Variants in BPIFC observed in about 807,000 individuals in gnomAD.
BPIFC encodes BPI fold-containing family C protein.
BPIFC carries 60 observed loss-of-function variants against 57.6 expected under a neutral mutation model. The observed-to-expected ratio is 1.04, with a 90% CI of 0.85 to 1.29. The LOEUF (loss-of-function observed/expected upper bound fraction) is 1.29, where lower values mean the gene tolerates loss of function less well. Ranked by LOEUF, BPIFC falls within the 50% of genes most tolerant of loss-of-function variation. The pLI is 0.00. For synonymous variants in BPIFC, 243 were observed against 224.5 expected (o/e 1.08, Z -0.74); for missense variants, 581 against 600.5 (o/e 0.97, Z 0.34).
intron 13 of BPIFC, among the ~76,000 whole-genome samples, chr22:32,421,986 G>C (rs1933859912): frequency 6.6e-6 from 1 of 152,184 alleles, no homozygotes. Context: ...GGAGTGGGGA[G>C]GGTTCCAGGC....
At chr22:32,426,708 A>G (rs1039661421) in intron 13 of BPIFC, among the ~76,000 whole-genome samples, 1 of 151,954 alleles carries the variant, frequency 6.6e-6, no homozygotes, top group Non-Finnish European at 1.5e-5. Context: ...CCTGGCCAAC[A>G]TGGCGAAACC....
At chr22:32,419,689 C>T (rs1179925276) in intron 13 of BPIFC, among the ~76,000 whole-genome samples, 1 of 151,538 alleles carries the variant, frequency 6.6e-6, no homozygotes, top group Non-Finnish European at 1.5e-5. Flanking sequence ...GCCTGTAGTC[C>T]CAGCTACTTG....
intron 15 of BPIFC, among the ~76,000 whole-genome samples, 199 bp downstream of exon 15, chr22:32,416,886 G>T (rs1264261396): frequency 6.6e-6 from 1 of 152,206 alleles, no homozygotes; most frequent in Non-Finnish European, 1.5e-5. Context: ...AACAGGGCTT[G>T]GACCTAGAAT....
At chr22:32,451,148 A>G (rs1163649626) in intron 4 of BPIFC, among the ~76,000 whole-genome samples, 2 of 152,202 alleles carry the variant, frequency 1.3e-5, no homozygotes, top group Non-Finnish European at 1.5e-5. Flanking sequence ...CTGTCTAGCA[A>G]TGCATGAAAA....
At chr22:32,427,409 C>A (rs1453005351) in intron 13 of BPIFC, among the ~76,000 whole-genome samples, 1 of 152,144 alleles carries the variant, frequency 6.6e-6, no homozygotes, top group East Asian at 1.9e-4. Flanking sequence ...TGCCAGTAAA[C>A]CAGACACCTG....
chr22:32,463,771 A>G (rs1388265609), intron 1 of BPIFC, among the ~76,000 whole-genome samples: 1 of 152,182 alleles, frequency 6.6e-6, no homozygotes, highest in Admixed American at 6.5e-5. Context: ...ATTTCAAGGG[A>G]TCCACTCCTC....
rs768230424 is a variant in BPIFC, at chr22:32,457,362, G to A, written c.25C>T (p.Leu9Phe). 4 of 1,610,368 alleles carry A rather than the reference G, an allele frequency of 2.5e-6. No homozygotes were observed. The highest frequency in any genetic ancestry group is 2.7e-5 in the African/African-American group (2 of 74,670). ...TTCCACAGGAGGAAACATCCCCAGAGGACTGGGATTGTCTTTGTACACATC... is the reference window on the plus strand; with the variant it reads ...TTCCACAGGAGGAAACATCCCCAGAAGACTGGGATTGTCTTTGTACACATC... MCTKTIPV[L>F]WGCFLLWNLY... The change falls in exon 3 of 17, where the codon CTC becomes TTC. Residue 9 changes from leucine to phenylalanine, a missense_variant. Physicochemically the swap from Leu to Phe is conservative, Grantham distance 22. Coordinates refer to ENST00000300399, the MANE Select transcript of BPIFC (RefSeq NM_174932.3).
rs537789302 is a variant in BPIFC at position 32,458,762 on chromosome 22, A to G, written c.1-1376T>C. Among the ~76,000 whole-genome samples, 3 of 152,184 alleles carry G rather than the reference A, an allele frequency of 2.0e-5. No homozygotes were observed. The East Asian group carries it at 5.8e-4, about 29-fold the overall frequency. On this transcript the variant is annotated intron_variant, in intron 2 of 16. Transcript: ENST00000300399. ...CATCCCGTATTGTGACTGTCTTTTTACTTGTCTATCCCTTTGTCATGGGGA... is the reference window on the plus strand; with the variant it reads ...CATCCCGTATTGTGACTGTCTTTTTGCTTGTCTATCCCTTTGTCATGGGGA...
chr22:32,445,002 C>A (rs1359673091), intron 7 of BPIFC, among the ~76,000 whole-genome samples: 1 of 152,170 alleles, frequency 6.6e-6, no homozygotes, highest in Non-Finnish European at 1.5e-5. Flanking sequence ...GCTGAGCATG[C>A]AATAGGTACA....
At position 32,438,386 on chromosome 22, in the gene BPIFC, T is replaced by C. The variant is rs141773093; in HGVS notation, c.656-535A>G. On this transcript the variant is annotated intron_variant, in intron 8 of 16. Coordinates refer to ENST00000300399, the MANE Select transcript of BPIFC (RefSeq NM_174932.3). ...AACACACAAAATGCATGTATAGTTT[T>C]GTTTTTTGTTTTTTGTTTTTTTTGA... 9.2e-5 allele frequency among the ~76,000 whole-genome samples: 14 copies of C among 152,308 alleles called. No individual in the cohort carries two copies. In the East Asian group the frequency reaches 2.7e-3, roughly 29 times the overall value.
At chr22:32,435,026 G>A (rs533912979) in intron 10 of BPIFC, among the ~76,000 whole-genome samples, 23 of 152,200 alleles carry the variant, frequency 1.5e-4, no homozygotes, top group African/African-American at 5.1e-4. Context: ...CAGTTATATC[G>A]CACTTATTCT....
intron 12 of BPIFC, among the ~76,000 whole-genome samples, chr22:32,432,111 C>T (rs1934260473): frequency 6.6e-6 from 1 of 151,828 alleles, no homozygotes. Context: ...CTAATTCAAA[C>T]AATTTTTTTT....
At position 32,462,232 on chromosome 22, in the gene BPIFC, T is replaced by C. The variant is rs955952776; in HGVS notation, c.-88-571A>G. Among the ~76,000 whole-genome samples the C allele has an allele frequency of 3.5e-5, 5 of 141,140 alleles. No homozygotes were observed. In the East Asian group the frequency reaches 1.1e-3, roughly 30 times the overall value. The allele number at this position is 141,140 out of a possible 152,430, so 92.6% of individuals were successfully genotyped here. A position where few individuals can be genotyped will look rare whatever the true frequency, so the allele number is the denominator to read the frequency against. On this transcript the variant is annotated intron_variant, in intron 1 of 16. Transcript: ENST00000300399. ...GAAAAAAAAAAGAAAAATATTTTCATAGCAATGGAATGCAATGGGAAAGAA... is the reference window on the plus strand; with the variant it reads ...GAAAAAAAAAAGAAAAATATTTTCACAGCAATGGAATGCAATGGGAAAGAA...
intron 8 of BPIFC, among the ~76,000 whole-genome samples, chr22:32,439,453 C>T (rs2145940559): frequency 6.6e-6 from 1 of 152,224 alleles, no homozygotes; most frequent in African/African-American, 2.4e-5. Flanking sequence ...ATGTGTTCTA[C>T]AATATGAAGA....
chr22:32,417,189 C>CTTTTTTTTTTTT (rs5844996), intron 14 of BPIFC, 41 bp from the exon 15 acceptor site: 1 of 891,986 alleles, frequency 1.1e-6, no homozygotes, highest in Non-Finnish European at 1.6e-6. Context: ...GCAGATCGGG[C>CTTTTTTTTTTTT]TTTTTTTTTT....
chr22:32,419,803 C>CAAAAA (rs34812283), intron 13 of BPIFC, among the ~76,000 whole-genome samples: 2 of 102,370 alleles, frequency 2.0e-5, no homozygotes, highest in African/African-American at 3.7e-5. Context: ...GAGACCCTGT[C>CAAAAA]AAAAAAAAAA....
chr22:32,433,707 C>T lies in BPIFC; in HGVS notation c.978+12G>A. ...CAAATACACTATCAAGACTCAAACC[C>T]TGAGCACTTACCCGGGAGAGCACGT... On this transcript the variant is annotated intron_variant, in intron 11 of 16. Coordinates refer to ENST00000300399, the MANE Select transcript of BPIFC (RefSeq NM_174932.3). 4 of 1,613,170 alleles carry T rather than the reference C, an allele frequency of 2.5e-6. No homozygotes were observed. The highest frequency in any genetic ancestry group is 3.4e-6 in the Non-Finnish European group (4 of 1,179,190).
At chr22:32,437,688 G>A in intron 9 of BPIFC, 72 bp downstream of exon 9, 1 of 1,152,736 alleles carries the variant, frequency 8.7e-7, no homozygotes, top group Non-Finnish European at 1.3e-6. Flanking sequence ...ACCGTGCCCA[G>A]TCCATAATCA....
At chr22:32,441,525 G>C (rs1368576865) in intron 8 of BPIFC, among the ~76,000 whole-genome samples, 1 of 152,182 alleles carries the variant, frequency 6.6e-6, no homozygotes, top group African/African-American at 2.4e-5. Context: ...GGAGTGCAAA[G>C]TGAGAGAGAG....
Sources: gnomAD v4.1 joint callset for allele counts (sites outside exome capture counted in the v4.1 genomes callset) on GRCh38, gnomAD v4.1.1 for gene constraint, MANE v1.5 for transcripts, NCBI Gene and HGNC (gene_info 2026-07-23, HGNC 2026-07-21) for gene names.